Variants in EXOC6B observed in about 807,000 individuals in gnomAD.
EXOC6B encodes the protein exocyst complex component 6B.
In EXOC6B, 54 loss-of-function variants were observed where a neutral mutation model predicts 113.5. The ratio of observed to expected loss-of-function variants is 0.48; its 90% CI spans 0.38 to 0.60. EXOC6B has a LOEUF of 0.60. Among genes scored for constraint, EXOC6B ranks in the 20% least tolerant of loss-of-function variants. The pLI, the probability that EXOC6B is intolerant of heterozygous loss-of-function variation, is 0.00. For missense variants in EXOC6B, 797 were observed against 977.5 expected (o/e 0.82, Z 2.46); for synonymous variants, 357 against 339.0 (o/e 1.05, Z -0.58).
At position 72,401,566 on chromosome 2, in the gene EXOC6B, CATATATATATATATACATATATATAT is replaced by C. The variant is rs1693236843; in HGVS notation, c.1981-21722_1981-21697del. On this transcript the variant is annotated intron_variant, in intron 18 of 21. Coordinates refer to ENST00000272427, the MANE Select transcript of EXOC6B (RefSeq NM_015189.3). ...ATATGTGTATATATATATATATATA[CATATATATATATATACATATATATAT>C]ATATATATATGTGTATATATATATA... Among the ~76,000 whole-genome samples the C allele has an allele frequency of 4.0e-4, 6 of 14,880 alleles. No homozygotes were observed. The East Asian group carries it at 8.0e-3, about 20-fold the overall frequency. 9.8% of individuals were successfully genotyped at this position (14,880 alleles called of 152,430 possible).
intron 18 of EXOC6B, among the ~76,000 whole-genome samples, chr2:72,418,414 T>C (rs896218886): frequency 1.3e-5 from 2 of 152,186 alleles, no homozygotes; most frequent in South Asian, 2.1e-4. Flanking sequence ...GGAAAAGTAT[T>C]GAAGTTTCCC....
At chr2:72,806,810 CT>C (rs1297025289) in intron 1 of EXOC6B, among the ~76,000 whole-genome samples, 1 of 151,610 alleles carries the variant, frequency 6.6e-6, no homozygotes, top group Admixed American at 6.6e-5. Flanking sequence ...TTTTCATATG[CT>C]TGTTGGCTGT....
intron 16 of EXOC6B, among the ~76,000 whole-genome samples, chr2:72,490,535 T>TA (rs911321122): frequency 3.9e-5 from 6 of 152,020 alleles, no homozygotes; most frequent in South Asian, 2.1e-4. Context: ...TCGTTAGTAA[T>TA]AAAAAAAATC....
chr2:72,335,302 G>C (rs903544037), intron 19 of EXOC6B: 1 of 282,182 alleles, frequency 3.5e-6, no homozygotes, highest in Non-Finnish European at 6.6e-6. Context: ...TTTGTGAATG[G>C]ACAAACAACT....
At chr2:72,252,074 C>T (rs967013499) in intron 20 of EXOC6B, among the ~76,000 whole-genome samples, 5 of 152,210 alleles carry the variant, frequency 3.3e-5, no homozygotes, top group Middle Eastern at 3.4e-3. Flanking sequence ...TCAACTTTTC[C>T]CTCTTTACTG....
intron 6 of EXOC6B, among the ~76,000 whole-genome samples, chr2:72,621,613 T>A (rs1425709035): frequency 6.6e-6 from 1 of 152,148 alleles, no homozygotes; most frequent in Non-Finnish European, 1.5e-5. Flanking sequence ...ATCCCCTGTA[T>A]CTAAAATAAA....
chr2:72,184,809 A>G (rs1678316778), intron 20 of EXOC6B, among the ~76,000 whole-genome samples: 1 of 152,224 alleles, frequency 6.6e-6, no homozygotes, highest in Non-Finnish European at 1.5e-5. Context: ...TATAAGAGGC[A>G]ATATGTGTTA....
chr2:72,480,554 G>T, intron 17 of EXOC6B, 62 bp downstream of exon 17: 2 of 1,405,954 alleles, frequency 1.4e-6, no homozygotes, highest in South Asian at 1.6e-5. Flanking sequence ...GGCCATGTTA[G>T]GTAGAACGTC....
At chr2:72,299,213 T>C (rs902420941) in intron 20 of EXOC6B, among the ~76,000 whole-genome samples, 1 of 151,906 alleles carries the variant, frequency 6.6e-6, no homozygotes, top group Non-Finnish European at 1.5e-5. Context: ...AATCTTCTCT[T>C]CTCACTTTAT....
chr2:72,727,520 G>A (rs1680373007), intron 5 of EXOC6B, among the ~76,000 whole-genome samples: 1 of 152,148 alleles, frequency 6.6e-6, no homozygotes, highest in African/African-American at 2.4e-5. Context: ...GAACATGATT[G>A]AGACAATTGG....
intron 6 of EXOC6B, among the ~76,000 whole-genome samples, chr2:72,658,363 A>G (rs771226888): frequency 1.4e-4 from 21 of 151,070 alleles, no homozygotes; most frequent in Non-Finnish European, 3.0e-4. Flanking sequence ...AATAATTTAC[A>G]GGGACCAAAA....
intron 5 of EXOC6B, among the ~76,000 whole-genome samples, chr2:72,719,471 C>T (rs191289294): frequency 6.7e-4 from 102 of 152,280 alleles, no homozygotes; most frequent in African/African-American, 2.3e-3. Flanking sequence ...TACCTGCAGG[C>T]GACACCTAAA....
intron 20 of EXOC6B, among the ~76,000 whole-genome samples, chr2:72,305,747 T>G (rs2104771010): frequency 6.9e-6 from 1 of 144,064 alleles, no homozygotes; most frequent in African/African-American, 2.9e-5. Context: ...CAAATCTTTG[T>G]CTGCTCTAAT....
chr2:72,612,391 C>A (rs577886487), intron 6 of EXOC6B, among the ~76,000 whole-genome samples: 1 of 152,170 alleles, frequency 6.6e-6, no homozygotes, highest in African/African-American at 2.4e-5. Context: ...AGGTAGTATC[C>A]TAAGTGAGGC....
intron 20 of EXOC6B, among the ~76,000 whole-genome samples, chr2:72,269,416 G>C (rs1684338949): frequency 6.6e-6 from 1 of 152,134 alleles, no homozygotes; most frequent in South Asian, 2.1e-4. Context: ...AGAGTTCATG[G>C]CTATCTGAAT....
At chr2:72,461,840 T>A (rs939798469) in intron 18 of EXOC6B, 2 of 152,086 alleles carry the variant, frequency 1.3e-5, no homozygotes, top group African/African-American at 4.8e-5. Flanking sequence ...AAATATTTCT[T>A]ATAAACAAGG....
chr2:72,402,252 G>T (rs1693390082), intron 18 of EXOC6B, among the ~76,000 whole-genome samples: 1 of 151,950 alleles, frequency 6.6e-6, no homozygotes, highest in Non-Finnish European at 1.5e-5. Flanking sequence ...CTAGGAATTT[G>T]TCGATTTCAT....
intron 6 of EXOC6B, among the ~76,000 whole-genome samples, chr2:72,611,873 A>G (rs1395392350): frequency 6.6e-6 from 1 of 152,234 alleles, no homozygotes; most frequent in East Asian, 1.9e-4. Flanking sequence ...AATCAGAATT[A>G]AAAACCATAT....
chr2:72,811,782 A>C (rs1685938821), intron 1 of EXOC6B, among the ~76,000 whole-genome samples: 1 of 152,224 alleles, frequency 6.6e-6, no homozygotes, highest in Non-Finnish European at 1.5e-5. Context: ...AGATTTCACC[A>C]GACTAAATAT....
Sources: gnomAD v4.1 joint callset for allele counts (sites outside exome capture counted in the v4.1 genomes callset) on GRCh38, gnomAD v4.1.1 for gene constraint, MANE v1.5 for transcripts, NCBI Gene and HGNC (gene_info 2026-07-23, HGNC 2026-07-21) for gene names.